MTUS2: variants seen among roughly 807,000 people sequenced by gnomAD.
MTUS2 encodes the protein microtubule-associated tumor suppressor candidate 2.
A neutral mutation model predicts 114.1 loss-of-function variants in MTUS2; 40 were observed. The ratio of observed to expected loss-of-function variants is 0.35; its 90% CI spans 0.27 to 0.46. The LOEUF (loss-of-function observed/expected upper bound fraction) is 0.46. Ranked by LOEUF, MTUS2 falls within the 20% of genes least tolerant of loss-of-function variation. The pLI, the probability that MTUS2 is intolerant of heterozygous loss-of-function variation, is 1.00. For synonymous variants in MTUS2, 688 were observed against 672.0 expected, an observed-to-expected ratio of 1.02 and a Z score of -0.37; for missense variants, 1,679 against 1,705.4, an observed-to-expected ratio of 0.98 and a Z score of 0.27.
At chr13:29,011,396 C>T (rs897935904) in intron 2 of MTUS2, among the ~76,000 whole-genome samples, 1 of 152,192 alleles carries the variant, frequency 6.6e-6, no homozygotes, top group Non-Finnish European at 1.5e-5. Context: ...TATTCAAACG[C>T]ACATCAACAT....
intron 8 of MTUS2, 45 bp from the exon 9 acceptor site, chr13:29,439,938 A>G (rs1877706682): frequency 7.0e-7 from 1 of 1,423,242 alleles, no homozygotes; most frequent in Admixed American, 2.0e-5. Flanking sequence ...GTGCTTATCT[A>G]GCATAAAACT....
intron 2 of MTUS2, among the ~76,000 whole-genome samples, chr13:28,918,513 A>G (rs1029196939): frequency 1.3e-5 from 2 of 151,420 alleles, no homozygotes; most frequent in East Asian, 1.9e-4. Context: ...GACATGGGAT[A>G]TTTTTTTCCA....
chr13:28,961,879 G>T (rs142624557), intron 2 of MTUS2, among the ~76,000 whole-genome samples: 6 of 152,022 alleles, frequency 3.9e-5, no homozygotes, highest in African/African-American at 1.2e-4. Flanking sequence ...TTATTTTGGT[G>T]GTTTGCAAAT....
At chr13:29,239,402 G>A (rs1307278107) in intron 5 of MTUS2, 1 of 152,170 alleles carries the variant, frequency 6.6e-6, no homozygotes, top group African/African-American at 2.4e-5. Flanking sequence ...TGTTGCCTGG[G>A]AGTCTGAGTT....
chr13:29,414,495 G>A lies in MTUS2; in HGVS notation c.3118-25488G>A, dbSNP rs187402055. On this transcript the variant is annotated intron_variant, in intron 8 of 15. Coordinates refer to ENST00000612955, the MANE Select transcript of MTUS2 (RefSeq NM_001033602.4). Reference sequence around the variant, plus strand: ...AAAAAAAAAAAAAAAAAAGAAGACTGTAGTGAAAATATTTGGCCCTGATGT... The same window carrying A: ...AAAAAAAAAAAAAAAAAAGAAGACTATAGTGAAAATATTTGGCCCTGATGT... 6.4e-3 allele frequency among the ~76,000 whole-genome samples: 928 copies of A among 144,988 alleles called. 4 individuals carry two copies. The highest frequency in any genetic ancestry group is 0.022 in the African/African-American group (862 of 39,572).
chr13:28,938,332 G>T (rs1468265014), intron 2 of MTUS2, among the ~76,000 whole-genome samples: 26 of 151,102 alleles, frequency 1.7e-4, no homozygotes, highest in Admixed American at 1.7e-3. Context: ...AGTGAGCTGA[G>T]ATTGTGCCAC....
chr13:29,185,856 G>A (rs540210974), intron 5 of MTUS2, among the ~76,000 whole-genome samples: 5 of 152,018 alleles, frequency 3.3e-5, no homozygotes, highest in African/African-American at 4.8e-5. Context: ...TGAATAAAAA[G>A]GACATTATAG....
At chr13:29,018,632 C>A (rs528935578) in intron 2 of MTUS2, among the ~76,000 whole-genome samples, 2 of 151,932 alleles carry the variant, frequency 1.3e-5, no homozygotes, top group African/African-American at 4.8e-5. Context: ...TGGTGGCGTG[C>A]GCCTGTAATC....
rs185213186 is a variant in MTUS2, at chr13:29,026,879, A to C, written c.2181A>C (p.Gln727His). ...GIKPPGHPFS[Q>H]MSEKFLQEVT... ...AGCCCCCGGGACATCCTTTCAGTCA[A>C]ATGAGTGAAAAGTTTTTGCAGGAGG... Residue 727 changes from glutamine to histidine, a missense_variant, in exon 3 of 16, where the codon CAA becomes CAC. Around this residue, in one of 3 missense-constraint regions of MTUS2, gnomAD observed 822 missense variants for 899.7 expected, o/e 0.91. Coordinates refer to ENST00000612955, the MANE Select transcript of MTUS2 (RefSeq NM_001033602.4). 2 of 1,596,784 alleles carry C rather than the reference A, an allele frequency of 1.3e-6. No homozygotes were observed. The highest frequency in any genetic ancestry group is 2.7e-5 in the African/African-American group (2 of 74,614).
At chr13:29,141,123 C>G (rs1176687870) in intron 5 of MTUS2, among the ~76,000 whole-genome samples, 2 of 152,298 alleles carry the variant, frequency 1.3e-5, no homozygotes, top group East Asian at 3.9e-4. Flanking sequence ...TAATACCAAA[C>G]TTTACCCACT....
intron 2 of MTUS2, among the ~76,000 whole-genome samples, chr13:28,850,107 G>A (rs1292926797): frequency 1.3e-5 from 2 of 151,970 alleles, no homozygotes; most frequent in African/African-American, 2.4e-5. Flanking sequence ...CTGGATGGAC[G>A]CCTGTCACAG....
intron 1 of MTUS2, among the ~76,000 whole-genome samples, chr13:28,822,696 T>G (rs1055778539): frequency 8.8e-6 from 1 of 114,072 alleles, no homozygotes; most frequent in Non-Finnish European, 2.0e-5. Context: ...CTTTTGGATT[T>G]TTTTTTTAAA....
chr13:28,917,983 G>C (rs1880841174), intron 2 of MTUS2, among the ~76,000 whole-genome samples: 1 of 151,758 alleles, frequency 6.6e-6, no homozygotes, highest in African/African-American at 2.4e-5. Flanking sequence ...GGTAATTCAG[G>C]AGCATGTTGT....
In MTUS2 at chr13:29,472,997, C is replaced by T. The variant is rs1880428858; in HGVS notation, c.3185-7153C>T. ...TTTTGTCTTTTCAATTACTCCCAATCTCTTGAAGAAACAACTTAATCTTTT... is the reference window on the plus strand; with the variant it reads ...TTTTGTCTTTTCAATTACTCCCAATTTCTTGAAGAAACAACTTAATCTTTT... On this transcript the variant is annotated intron_variant, in intron 9 of 15. Transcript: ENST00000612955. Among the ~76,000 whole-genome samples the T allele has an allele frequency of 2.0e-5, 3 of 152,136 alleles. No homozygotes were observed. In the South Asian group the frequency reaches 6.2e-4, roughly 32 times the overall value.
intron 4 of MTUS2, among the ~76,000 whole-genome samples, chr13:29,099,187 C>T (rs930525069): frequency 5.9e-5 from 9 of 152,196 alleles, no homozygotes; most frequent in Non-Finnish European, 1.0e-4. Flanking sequence ...ACAAACGGGC[C>T]ATTACCACTT....
chr13:28,917,642 TG>T (rs1231110414), intron 2 of MTUS2, among the ~76,000 whole-genome samples: 1 of 151,844 alleles, frequency 6.6e-6, no homozygotes, highest in Non-Finnish European at 1.5e-5. Context: ...GCTAAAAATT[TG>T]TCAATTTTAT....
At position 29,450,719 on chromosome 13, in the gene MTUS2, A is replaced by T. The variant is rs145078906; in HGVS notation, c.3184+10670A>T. On this transcript the variant is annotated intron_variant, in intron 9 of 15. Transcript: ENST00000612955. ...AACCTGCTTCAAATATAAAGACACAAATAAGTTAACAGTGAAAGGATGAAA... is the reference window on the plus strand; with the variant it reads ...AACCTGCTTCAAATATAAAGACACATATAAGTTAACAGTGAAAGGATGAAA... 2.0e-5 allele frequency among the ~76,000 whole-genome samples: 3 copies of T among 152,306 alleles called. No homozygotes were observed. The East Asian group carries it at 5.8e-4, about 29-fold the overall frequency.
chr13:29,037,830 C>T (rs546738763), intron 4 of MTUS2, among the ~76,000 whole-genome samples: 131 of 152,238 alleles, frequency 8.6e-4, no homozygotes, highest in African/African-American at 3.0e-3. Flanking sequence ...GTATTCTTCA[C>T]GAAGTTTTCA....
chr13:29,017,068 A>C (rs1294671091), intron 2 of MTUS2, among the ~76,000 whole-genome samples: 1 of 152,188 alleles, frequency 6.6e-6, no homozygotes, highest in Non-Finnish European at 1.5e-5. Context: ...TATTATTACC[A>C]GGAGACTTTC....
Sources: gnomAD v4.1 joint callset for allele counts (sites outside exome capture counted in the v4.1 genomes callset) on GRCh38, gnomAD v4.1.1 for gene constraint, gnomAD v4.1.1 regional missense constraint, MANE v1.5 for transcripts, NCBI Gene and HGNC (gene_info 2026-07-23, HGNC 2026-07-21) for gene names.